MALRD1: variants seen among roughly 807,000 people sequenced by gnomAD.
MALRD1 encodes MAM and LDL receptor class A domain containing 1, also known as MAM and LDL-receptor class A domain-containing protein 1.
MALRD1 carries 247 observed loss-of-function variants against 242.1 expected under a neutral mutation model. The observed-to-expected ratio is 1.02, with a 90% CI of 0.92 to 1.13. MALRD1 has a LOEUF of 1.13. Among genes scored for constraint, MALRD1 ranks in the 50% most tolerant of loss-of-function variants. The pLI is 0.00. For missense variants in MALRD1, 2,989 were observed against 2,533.1 expected (o/e 1.18, Z -3.86); for synonymous variants, 995 against 866.6 (o/e 1.15, Z -2.60).
intron 36 of MALRD1, among the ~76,000 whole-genome samples, chr10:19,629,784 GC>G (rs1839826567): frequency 6.6e-6 from 1 of 152,040 alleles, no homozygotes; most frequent in Non-Finnish European, 1.5e-5. Context: ...CCCCAATCAG[GC>G]CTCCCCAGTG....
At chr10:19,303,398 A>G (rs1437284931) in intron 21 of MALRD1, among the ~76,000 whole-genome samples, 1 of 151,770 alleles carries the variant, frequency 6.6e-6, no homozygotes, top group Non-Finnish European at 1.5e-5. Flanking sequence ...AATATTTGGC[A>G]GTGATCAGAA....
At chr10:19,120,480 A>G (rs960775753) in intron 5 of MALRD1, among the ~76,000 whole-genome samples, 2 of 152,222 alleles carry the variant, frequency 1.3e-5, no homozygotes, top group Non-Finnish European at 2.9e-5. Flanking sequence ...GATCCATGCT[A>G]CAACATGGAT....
At chr10:19,593,989 C>A (rs1327557655) in intron 33 of MALRD1, among the ~76,000 whole-genome samples, 1 of 152,164 alleles carries the variant, frequency 6.6e-6, no homozygotes, top group Non-Finnish European at 1.5e-5. Context: ...GGACAGAGTG[C>A]AGTGTGACAA....
intron 31 of MALRD1, among the ~76,000 whole-genome samples, chr10:19,530,409 T>TA (rs1834331244): frequency 3.0e-5 from 2 of 65,578 alleles, no homozygotes; most frequent in Non-Finnish European, 5.3e-5. Flanking sequence ...TATTATATAT[T>TA]TATATAATAA....
intron 38 of MALRD1, among the ~76,000 whole-genome samples, chr10:19,706,677 C>T (rs560208533): frequency 3.3e-5 from 5 of 152,048 alleles, no homozygotes; most frequent in South Asian, 2.1e-4. Context: ...AAAAAAGGGC[C>T]GAGTGTTGTC....
intron 1 of MALRD1, among the ~76,000 whole-genome samples, chr10:19,061,818 C>G (rs535444000): frequency 6.6e-6 from 1 of 152,180 alleles, no homozygotes; most frequent in South Asian, 2.1e-4. Context: ...ACTGTAAGAG[C>G]TAAAACTGTA....
intron 32 of MALRD1, among the ~76,000 whole-genome samples, chr10:19,536,650 A>G (rs982385339): frequency 3.3e-5 from 5 of 152,094 alleles, no homozygotes; most frequent in African/African-American, 1.2e-4. Flanking sequence ...TGTAAAGAAA[A>G]CAGAAATCTT....
At chr10:19,091,768 C>T (rs1257966090) in intron 4 of MALRD1, among the ~76,000 whole-genome samples, 1 of 90,832 alleles carries the variant, frequency 1.1e-5, no homozygotes, top group East Asian at 3.2e-4. Context: ...TGAATGTGTC[C>T]CAGAGATTCT....
intron 28 of MALRD1, among the ~76,000 whole-genome samples, chr10:19,448,745 A>T (rs1033473025): frequency 2.6e-5 from 4 of 151,970 alleles, no homozygotes; most frequent in Admixed American, 6.6e-5. Flanking sequence ...CTTTTCAATT[A>T]AAAAATTTTA....
intron 35 of MALRD1, among the ~76,000 whole-genome samples, chr10:19,608,951 C>T (rs1838762157): frequency 6.6e-6 from 1 of 151,964 alleles, no homozygotes. Flanking sequence ...GTAGGAAAGC[C>T]GTTACTGAGT....
At chr10:19,080,054 T>A (rs1835435479) in intron 2 of MALRD1, among the ~76,000 whole-genome samples, 1 of 151,704 alleles carries the variant, frequency 6.6e-6, no homozygotes, top group Admixed American at 6.6e-5. Flanking sequence ...AAGAATATAG[T>A]TAACAAGGGA....
At chr10:19,228,025 C>A (rs1240091976) in intron 18 of MALRD1, among the ~76,000 whole-genome samples, 1 of 152,124 alleles carries the variant, frequency 6.6e-6, no homozygotes, top group African/African-American at 2.4e-5. Context: ...ATGGTACAGA[C>A]ATTTTGGAAA....
intron 28 of MALRD1, among the ~76,000 whole-genome samples, chr10:19,442,109 T>G (rs1352047154): frequency 6.6e-6 from 1 of 152,026 alleles, no homozygotes; most frequent in African/African-American, 2.4e-5. Context: ...TGAATGGGAG[T>G]TCACTCATGA....
At chr10:19,365,745 T>C (rs1845083412) in intron 26 of MALRD1, among the ~76,000 whole-genome samples, 1 of 151,336 alleles carries the variant, frequency 6.6e-6, no homozygotes, top group South Asian at 2.1e-4. Flanking sequence ...TGTTGAGACT[T>C]ACTTGGATCT....
rs1388643248 is a variant in MALRD1 at position 19,327,690 on chromosome 10, G to A, written c.3687+17G>A. On this transcript the variant is annotated intron_variant, in intron 23 of 39. Coordinates refer to ENST00000454679, the MANE Select transcript of MALRD1 (RefSeq NM_001142308.3). ...CATACACAGGTGTGTAATACAGGTA[G>A]TTATGGGGTGAGTGAGTTCTGCTGA... 1 of 1,522,674 alleles carries A rather than the reference G, an allele frequency of 6.6e-7. No homozygotes were observed. Among genetic ancestry groups the A allele is most frequent in the Non-Finnish European group, 8.9e-7 (1 of 1,122,690 alleles). 94.3% of individuals were successfully genotyped at this position (1,522,674 alleles called of 1,614,324 possible). A position where few individuals can be genotyped will look rare whatever the true frequency, so the allele number is the denominator to read the frequency against.
chr10:19,149,201 C>T (rs776358941), intron 11 of MALRD1, among the ~76,000 whole-genome samples: 25 of 151,914 alleles, frequency 1.6e-4, no homozygotes, highest in Non-Finnish European at 2.6e-4. Context: ...CTGCAAACTC[C>T]ACCTCCCAGG....
chr10:19,167,260 G>A (rs747865092), intron 13 of MALRD1, among the ~76,000 whole-genome samples: 36 of 152,172 alleles, frequency 2.4e-4, no homozygotes, highest in Non-Finnish European at 4.1e-4. Flanking sequence ...TCTGGAGGCT[G>A]AGGCAGGAGA....
At chr10:19,088,225 A>G (rs1033638441) in intron 4 of MALRD1, 40 bp downstream of exon 4, 2 of 1,228,868 alleles carry the variant, frequency 1.6e-6, no homozygotes, top group Non-Finnish European at 2.0e-6. Context: ...CTTGAAGAAA[A>G]ATAAGATACA....
At chr10:19,732,199 T>A (rs1436964125) in intron 39 of MALRD1, among the ~76,000 whole-genome samples, 1 of 152,210 alleles carries the variant, frequency 6.6e-6, no homozygotes, top group Admixed American at 6.5e-5. Flanking sequence ...TAATATATCT[T>A]TTTGACAAAA....
Sources: gnomAD v4.1 joint callset for allele counts (sites outside exome capture counted in the v4.1 genomes callset) on GRCh38, gnomAD v4.1.1 for gene constraint, MANE v1.5 for transcripts, NCBI Gene and HGNC (gene_info 2026-07-23, HGNC 2026-07-21) for gene names.